The following HYCC1 variants were observed in gnomAD, a reference collection of about 807,000 sequenced individuals.
HYCC1 encodes the protein hyccin.
the HYCC1 span, among the ~76,000 whole-genome samples, chr7:23,003,392 T>C: frequency 2.6e-5 from 4 of 152,056 alleles, no homozygotes; most frequent in Non-Finnish European, 5.9e-5. Flanking sequence ...TAAGTCCTTT[T>C]AAAACAAATC....
the HYCC1 span, chr7:22,976,770 T>C: frequency 1.2e-6 from 2 of 1,613,584 alleles, no homozygotes; most frequent in Non-Finnish European, 1.7e-6. Flanking sequence ...GCTGGGATAG[T>C]GCACTCTCAG....
chr7:22,990,544 A>C, the HYCC1 span, among the ~76,000 whole-genome samples: 1 of 152,236 alleles, frequency 6.6e-6, no homozygotes, highest in Non-Finnish European at 1.5e-5. Flanking sequence ...ATACTATTTT[A>C]GCTATCCTAG....
At chr7:22,985,205 T>TAG in the HYCC1 span, among the ~76,000 whole-genome samples, 1 of 152,222 alleles carries the variant, frequency 6.6e-6, no homozygotes, top group Non-Finnish European at 1.5e-5. Flanking sequence ...TCTCATATCC[T>TAG]AGTATTTCAA....
At chr7:22,983,017 T>C in the HYCC1 span, among the ~76,000 whole-genome samples, 1 of 152,130 alleles carries the variant, frequency 6.6e-6, no homozygotes, top group African/African-American at 2.4e-5. Context: ...ATATAGATTA[T>C]TTTATTACCT....
At chr7:22,910,650 G>T in the HYCC1 span, among the ~76,000 whole-genome samples, 1 of 152,136 alleles carries the variant, frequency 6.6e-6, no homozygotes, top group African/African-American at 2.4e-5. Context: ...TGCAAGGTTA[G>T]AAATGCTAAA....
the HYCC1 span, among the ~76,000 whole-genome samples, chr7:22,978,942 C>T: frequency 6.6e-6 from 1 of 152,088 alleles, no homozygotes; most frequent in East Asian, 1.9e-4. Flanking sequence ...TTATAATGGG[C>T]TTTAAAAAAT....
chr7:22,954,610 AC>A, the HYCC1 span, among the ~76,000 whole-genome samples: 2 of 151,514 alleles, frequency 1.3e-5, no homozygotes, highest in African/African-American at 4.8e-5. Flanking sequence ...ATGAAACTGT[AC>A]TTTCTTTTTA....
the HYCC1 span, among the ~76,000 whole-genome samples, chr7:22,899,398 G>A: frequency 6.6e-6 from 1 of 152,060 alleles, no homozygotes; most frequent in Non-Finnish European, 1.5e-5. Flanking sequence ...CTACCTTCTC[G>A]GAAGGTTAAG....
the HYCC1 span, among the ~76,000 whole-genome samples, chr7:22,984,476 T>C: frequency 6.6e-6 from 1 of 151,988 alleles, no homozygotes; most frequent in African/African-American, 2.4e-5. Context: ...TCCTAGCACT[T>C]TGGGAGGCTG....
chr7:23,003,553 C>T, the HYCC1 span, among the ~76,000 whole-genome samples: 9 of 152,320 alleles, frequency 5.9e-5, no homozygotes, highest in South Asian at 4.1e-4. Flanking sequence ...AACATAACAG[C>T]ATATGGAAAT....
the HYCC1 span, among the ~76,000 whole-genome samples, chr7:22,929,552 C>T: frequency 1.3e-5 from 2 of 152,156 alleles, no homozygotes; most frequent in Admixed American, 6.5e-5. Context: ...AGACACTTCT[C>T]AAAAGAAGAC....
chr7:22,957,701 G>A, the HYCC1 span, among the ~76,000 whole-genome samples: 7 of 151,964 alleles, frequency 4.6e-5, no homozygotes, highest in Non-Finnish European at 1.0e-4. Flanking sequence ...GAGGGTTGGT[G>A]TGGTGAGGGA....
At chr7:22,976,427 G>A in the HYCC1 span, 4 of 721,640 alleles carry the variant, frequency 5.5e-6, 1 homozygote, top group Admixed American at 7.6e-5. Flanking sequence ...CACAGTATAA[G>A]CACACCAATA....
chr7:22,969,258 T>C, the HYCC1 span, among the ~76,000 whole-genome samples: 3 of 150,742 alleles, frequency 2.0e-5, no homozygotes, highest in Non-Finnish European at 4.4e-5. Context: ...CACTGCACCC[T>C]CCACCTCTGG....
chr7:22,961,159 G>T, the HYCC1 span: 1 of 855,888 alleles, frequency 1.2e-6, no homozygotes, highest in South Asian at 1.4e-5. Flanking sequence ...AATAAACTAT[G>T]AATGGCTCTC....
chr7:22,914,114 C>A, the HYCC1 span, among the ~76,000 whole-genome samples: 1 of 152,236 alleles, frequency 6.6e-6, no homozygotes, highest in Non-Finnish European at 1.5e-5. Context: ...CGTAGCTGGT[C>A]ACAGACTCAG....
the HYCC1 span, among the ~76,000 whole-genome samples, chr7:22,918,281 C>T: frequency 6.6e-6 from 1 of 152,138 alleles, no homozygotes; most frequent in African/African-American, 2.4e-5. Flanking sequence ...TTTAGCTTCT[C>T]AATTCATACA....
the HYCC1 span, among the ~76,000 whole-genome samples, chr7:22,897,324 TG>T: frequency 6.6e-6 from 1 of 152,160 alleles, no homozygotes; most frequent in Non-Finnish European, 1.5e-5. Flanking sequence ...AGGAAACAAC[TG>T]GAGAGTTTTA....
the HYCC1 span, among the ~76,000 whole-genome samples, chr7:22,929,722 G>C: frequency 1.3e-5 from 2 of 152,320 alleles, no homozygotes; most frequent in African/African-American, 4.8e-5. Context: ...TGGAGAAATA[G>C]GAACACTTTT....
Sources: allele counts gnomAD v4.1 joint callset (sites outside exome capture counted in the v4.1 genomes callset), GRCh38; gene constraint gnomAD v4.1.1; transcripts MANE v1.5; gene names NCBI Gene and HGNC (gene_info 2026-07-23, HGNC 2026-07-21).